The following KCNS2 variants were observed in gnomAD, a reference collection of about 807,000 sequenced individuals.
KCNS2 encodes the protein potassium voltage-gated channel modifier subfamily S member 2, also known as delayed-rectifier potassium channel regulatory subunit KCNS2.
KCNS2 carries 15 observed loss-of-function variants against 28.3 expected under a neutral mutation model. That is an observed-to-expected ratio of 0.53 (90% CI 0.35 to 0.82). KCNS2 has a LOEUF of 0.82. Among genes scored for constraint, KCNS2 ranks in the 40% least tolerant of loss-of-function variants. The pLI, the probability that KCNS2 is intolerant of heterozygous loss-of-function variation, is 0.01. For synonymous variants in KCNS2, 254 were observed against 256.7 expected, an observed-to-expected ratio of 0.99 and a Z score of 0.10; for missense variants, 501 against 617.1, an observed-to-expected ratio of 0.81 and a Z score of 1.99.
At position 98,429,765 on chromosome 8, in the gene KCNS2, G is replaced by A. The variant is rs1174254936; in HGVS notation, c.*352G>A. ...GGCCCAGTACTGTCTATGAGTTGTCGTGCTCCTGTTTCTGAGGTTGTCGTG... is the reference window on the plus strand; with the variant it reads ...GGCCCAGTACTGTCTATGAGTTGTCATGCTCCTGTTTCTGAGGTTGTCGTG... On this transcript the variant is annotated 3_prime_UTR_variant, in exon 2 of 2. Coordinates refer to ENST00000287042, the MANE Select transcript of KCNS2 (RefSeq NM_020697.4). 9.1e-5 allele frequency: 19 copies of A among 209,850 alleles called. No individual in the cohort carries two copies. Among genetic ancestry groups the A allele is most frequent in the Admixed American group, 6.5e-4 (12 of 18,336 alleles). The allele number at this position is 209,850 out of a possible 1,614,324, so 13.0% of individuals were successfully genotyped here.
Position 98,428,044 on chromosome 8 carries a change from A to T in KCNS2, c.65A>T (p.Asn22Ile). 1 of 1,611,362 alleles carries T rather than the reference A, an allele frequency of 6.2e-7. No homozygotes were observed. Among genetic ancestry groups the T allele is most frequent in the Non-Finnish European group, 8.5e-7 (1 of 1,178,614 alleles). The change falls in exon 2 of 2, where the codon AAT becomes ATT. Residue 22 changes from asparagine to isoleucine, a missense_variant. Coordinates refer to ENST00000287042, the MANE Select transcript of KCNS2 (RefSeq NM_020697.4). The surrounding 1 kb of genome is among the most constrained non-coding windows in gnomAD (Gnocchi z 6.7). ...ANVEDGEIRINVGGFKRRLRS... is the reference protein window; with the variant it reads ...ANVEDGEIRIIVGGFKRRLRS... ...GTCGAGGACGGGGAGATCCGCATCA[A>T]TGTGGGCGGCTTCAAGAGGAGGCTG...
rs1818298011 is a variant in KCNS2 at position 98,429,496 on chromosome 8, G to A, written c.*83G>A. On this transcript the variant is annotated 3_prime_UTR_variant, in exon 2 of 2. Coordinates refer to ENST00000287042, the MANE Select transcript of KCNS2 (RefSeq NM_020697.4). The stretch of plus-strand genomic sequence containing the variant: ...CACAGCCCAGGCACCTTATGGTTAT[G>A]GTGTAAGGAGTATGCCCAGCCCCTG... 3.1e-6 allele frequency: 3 copies of A among 979,844 alleles called. No individual in the cohort carries two copies. The highest frequency in any genetic ancestry group is 3.1e-6 in the Non-Finnish European group (2 of 644,384). 60.7% of individuals were successfully genotyped at this position (979,844 alleles called of 1,614,324 possible). A position where few individuals can be genotyped will look rare whatever the true frequency, so the allele number is the denominator to read the frequency against.
In KCNS2 at chr8:98,431,349, C is replaced by G. The variant is rs865897357; in HGVS notation, c.*1936C>G. The G allele has an allele frequency of 6.0e-6, 1 of 167,082 alleles. No homozygotes were observed. Among genetic ancestry groups the G allele is most frequent in the Non-Finnish European group, 1.5e-5 (1 of 68,130 alleles). The allele number at this position is 167,082 out of a possible 1,614,324, so 10.3% of individuals were successfully genotyped here. A position where few individuals can be genotyped will look rare whatever the true frequency, so the allele number is the denominator to read the frequency against. ...GTGGCTGTCTCCTAGTGTCTACATC[C>G]GTGTCTCTGAAGCATCAGGAAAAGT... On this transcript the variant is annotated 3_prime_UTR_variant, in exon 2 of 2. Transcript: ENST00000287042.
In KCNS2 at chr8:98,426,998, A is replaced by T. The variant is rs1025931111; in HGVS notation, c.-374A>T. The T allele has an allele frequency of 6.7e-6, 1 of 148,580 alleles. No homozygotes were observed. 9.2% of individuals were successfully genotyped at this position (148,580 alleles called of 1,614,324 possible). A position where few individuals can be genotyped will look rare whatever the true frequency, so the allele number is the denominator to read the frequency against. ...CCGCGCAGGGCGGGCGCCCCGTCAC[A>T]CCCGCTCTGCTCCCGCCCCGGCTCA... On this transcript the variant is annotated 5_prime_UTR_variant, in exon 1 of 2. Transcript: ENST00000287042.
Position 98,429,405 on chromosome 8 carries a change from C to T in KCNS2, c.1426C>T (p.Leu476=), listed in dbSNP as rs763823471. ...AAGTGAACTCAGTTTAAATGATTCC[C>T]TACGTTAGCCGGGAGGACTTGTCAC... is the stretch of plus-strand genomic sequence containing the variant. ...SPSELSLNDS[L]R The change falls in exon 2 of 2, where the codon CTA becomes TTA. Residue 476 remains leucine (L), a synonymous_variant. Transcript: ENST00000287042. The T allele has an allele frequency of 6.8e-6, 11 of 1,606,368 alleles. No individual in the cohort carries two copies. The highest frequency in any genetic ancestry group is 5.4e-5 in the African/African-American group (4 of 74,748).
chr8:98,427,185 G>A lies in KCNS2; in HGVS notation c.-187G>A, dbSNP rs1818248304. The A allele has an allele frequency of 6.7e-6, 1 of 149,308 alleles. No homozygotes were observed. The highest frequency in any genetic ancestry group is 2.1e-4 in the South Asian group (1 of 4,816). 9.2% of individuals were successfully genotyped at this position (149,308 alleles called of 1,614,324 possible). ...CGGCCCGAGACGGGAGGAGACGCTC[G>A]GCGGCCCCCGCCCGCCGGCCCGCCG... On this transcript the variant is annotated 5_prime_UTR_variant, in exon 1 of 2. Transcript: ENST00000287042.
chr8:98,429,180 G>C lies in KCNS2; in HGVS notation c.1201G>C (p.Val401Leu). Residue 401 changes from valine to leucine, a missense_variant, in exon 2 of 2, where the codon GTG becomes CTG. Coordinates refer to ENST00000287042, the MANE Select transcript of KCNS2 (RefSeq NM_020697.4). The part of the protein sequence containing the change: ...ASACILAGIL[V>L]VVLPITLIFN... Reference sequence around the variant, plus strand: ...TGCCTGCATCTTGGCAGGCATCCTCGTGGTGGTCCTGCCCATCACCTTGAT... The same window carrying C: ...TGCCTGCATCTTGGCAGGCATCCTCCTGGTGGTCCTGCCCATCACCTTGAT... The C allele has an allele frequency of 6.2e-7, 1 of 1,613,816 alleles. No individual in the cohort carries two copies. Among genetic ancestry groups the C allele is most frequent in the East Asian group, 2.2e-5 (1 of 44,876 alleles).
Position 98,428,119 on chromosome 8 carries a change from T to C in KCNS2, c.140T>C (p.Leu47Pro). ...CCCGAGACGCGCCTGGGCCGCTTGC[T>C]GCTCTGCCACTCGCGCGAGGCCATT... is the stretch of plus-strand genomic sequence containing the variant. ...RFPETRLGRL[L>P]LCHSREAILE... is the part of the protein sequence containing the mutation. The change falls in exon 2 of 2, where the codon CTG becomes CCG. Residue 47 changes from leucine to proline, a missense_variant. Transcript: ENST00000287042. The surrounding 1 kb of genome is among the most constrained non-coding windows in gnomAD (Gnocchi z 6.7). 6.2e-7 allele frequency: 1 copy of C among 1,613,934 alleles called. No homozygotes were observed. The highest frequency in any genetic ancestry group is 8.5e-7 in the Non-Finnish European group (1 of 1,180,008).
rs779150579 is a variant in KCNS2 at position 98,428,380 on chromosome 8, A to G, written c.401A>G (p.Lys134Arg). 1.2e-6 allele frequency: 2 copies of G among 1,614,178 alleles called. No homozygotes were observed. The highest frequency in any genetic ancestry group is 2.2e-5 in the South Asian group (2 of 91,080). ...HGRKVEPEQE[K>R]WDEQSDQEST... ...CGCAAAGTAGAGCCCGAGCAGGAGAAGTGGGACGAGCAGAGTGACCAGGAG... is the reference window on the plus strand; with the variant it reads ...CGCAAAGTAGAGCCCGAGCAGGAGAGGTGGGACGAGCAGAGTGACCAGGAG... Residue 134 changes from lysine (K) to arginine (R), a missense_variant, in exon 2 of 2, where the codon AAG (lysine) becomes AGG (arginine). Transcript: ENST00000287042. This position sits in a 1 kb window ranked among gnomAD's most constrained non-coding sequence, Gnocchi z 6.7.
At position 98,429,200 on chromosome 8, in the gene KCNS2, C is replaced by T. The variant is rs372842180; in HGVS notation, c.1221C>T (p.Thr407=). 14 of 1,613,910 alleles carry T rather than the reference C, an allele frequency of 8.7e-6. No individual in the cohort carries two copies. The African/African-American group carries it at 1.7e-4, about 20-fold the overall frequency. The change falls in exon 2 of 2, where the codon ACC becomes ACT. Residue 407 remains threonine (T), a synonymous_variant. Transcript: ENST00000287042. ...TCCTCGTGGTGGTCCTGCCCATCAC[C>T]TTGATCTTCAATAAGTTCTCCCACT... ...AGILVVVLPI[T]LIFNKFSHFY... is the part of the protein sequence containing the mutation.
chr8:98,428,707 T>C lies in KCNS2; in HGVS notation c.728T>C (p.Val243Ala). The change falls in exon 2 of 2, where the codon GTG (valine) becomes GCG (alanine). Residue 243 changes from valine to alanine, a missense_variant. Transcript: ENST00000287042. This position sits in a 1 kb window ranked among gnomAD's most constrained non-coding sequence, Gnocchi z 6.7. ...FGIAWFTFEL[V>A]ARFAVAPDFL... ...ATTGCCTGGTTCACATTTGAGCTGG[T>C]GGCCAGGTTTGCTGTGGCCCCTGAC... The C allele has an allele frequency of 6.2e-7, 1 of 1,614,246 alleles. No homozygotes were observed. The highest frequency in any genetic ancestry group is 8.5e-7 in the Non-Finnish European group (1 of 1,180,042).
At position 98,428,383 on chromosome 8, in the gene KCNS2, G is replaced by A. The variant is rs1470074390; in HGVS notation, c.404G>A (p.Trp135Ter). Residue 135 changes from tryptophan (W) to a stop codon, truncating the protein, a stop_gained, in exon 2 of 2, where the codon TGG (tryptophan) becomes TAG (stop). Transcript: ENST00000287042. LOFTEE classifies it high-confidence loss of function. This position sits in a 1 kb window ranked among gnomAD's most constrained non-coding sequence, Gnocchi z 6.7. ...GRKVEPEQEK[W>*]DEQSDQESTT... ...AAAGTAGAGCCCGAGCAGGAGAAGT[G>A]GGACGAGCAGAGTGACCAGGAGAGC... The A allele has an allele frequency of 6.2e-7, 1 of 1,614,166 alleles. No individual in the cohort carries two copies. Among genetic ancestry groups the A allele is most frequent in the South Asian group, 1.1e-5 (1 of 91,084 alleles).
rs763172699 is a variant in KCNS2, at chr8:98,427,985, C to G, written c.6C>G (p.Thr2=). Residue 2 remains threonine, a synonymous_variant, in exon 2 of 2, where the codon ACC becomes ACG. Transcript: ENST00000287042. Reference sequence around the variant, plus strand: ...GGGCGGCCGGCGCCTCCAGCATGACCGGCCAGAGCCTGTGGGACGTGTCGG... The same window carrying G: ...GGGCGGCCGGCGCCTCCAGCATGACGGGCCAGAGCCTGTGGGACGTGTCGG... M[T]GQSLWDVSEA... is the part of the protein sequence containing the mutation. 3.9e-6 allele frequency: 6 copies of G among 1,535,638 alleles called. No homozygotes were observed. Among genetic ancestry groups the G allele is most frequent in the Non-Finnish European group, 4.4e-6 (5 of 1,136,626 alleles).
rs759068889 is a variant in KCNS2, at chr8:98,428,463, G to A, written c.484G>A (p.Asp162Asn). ...LAFYNDASKF[D>N]GQPLGNFRRQ... is the part of the protein sequence containing the mutation. ...CTTCTACAACGACGCCTCCAAGTTCGATGGGCAGCCCCTCGGCAACTTCCG... is the reference window on the plus strand; with the variant it reads ...CTTCTACAACGACGCCTCCAAGTTCAATGGGCAGCCCCTCGGCAACTTCCG... Residue 162 changes from aspartate (D) to asparagine (N), a missense_variant, in exon 2 of 2, where the codon GAT (aspartate) becomes AAT (asparagine). By Grantham distance (23) the Asp-to-Asn change is conservative (BLOSUM62 1). Transcript: ENST00000287042. This position sits in a 1 kb window ranked among gnomAD's most constrained non-coding sequence, Gnocchi z 6.7. 7.4e-6 allele frequency: 12 copies of A among 1,614,108 alleles called. No homozygotes were observed. Among genetic ancestry groups the A allele is most frequent in the Middle Eastern group, 1.6e-4 (1 of 6,062 alleles).
At chr8:98,427,708 G>A (rs1031828767) in intron 1 of KCNS2, 13 of 281,538 alleles carry the variant, frequency 4.6e-5, no homozygotes, top group Non-Finnish European at 6.3e-5. Flanking sequence ...ACGCGACCCC[G>A]CACGCGCAAA....
chr8:98,429,418 G>C lies in KCNS2; in HGVS notation c.*5G>C, dbSNP rs768186161. 1 of 1,595,022 alleles carries C rather than the reference G, an allele frequency of 6.3e-7. No individual in the cohort carries two copies. Among genetic ancestry groups the C allele is most frequent in the African/African-American group, 1.3e-5 (1 of 74,574 alleles). ...TTAAATGATTCCCTACGTTAGCCGG[G>C]AGGACTTGTCACCCTCCACCCCACA... On this transcript the variant is annotated 3_prime_UTR_variant, in exon 2 of 2. Coordinates refer to ENST00000287042, the MANE Select transcript of KCNS2 (RefSeq NM_020697.4).
intron 1 of KCNS2, 165 bp downstream of exon 1, chr8:98,427,494 C>G (rs1168328463): frequency 6.6e-6 from 1 of 152,074 alleles, no homozygotes; most frequent in African/African-American, 2.4e-5. Context: ...GGCCGCCCCC[C>G]TCATTCCCGC....
In KCNS2 at chr8:98,430,285, A is replaced by G. The variant is rs1388151424; in HGVS notation, c.*872A>G. 1.2e-5 allele frequency: 2 copies of G among 167,088 alleles called. No individual in the cohort carries two copies. The highest frequency in any genetic ancestry group is 2.4e-5 in the African/African-American group (1 of 41,440). The allele number at this position is 167,088 out of a possible 1,614,324, so 10.4% of individuals were successfully genotyped here. On this transcript the variant is annotated 3_prime_UTR_variant, in exon 2 of 2. Coordinates refer to ENST00000287042, the MANE Select transcript of KCNS2 (RefSeq NM_020697.4). ...CTGTAGAGAAATGTATTTCCGGATG[A>G]GGTTTCTGATCTAGGCCATTTGACC... is the stretch of plus-strand genomic sequence containing the variant.
chr8:98,429,029 T>G lies in KCNS2; in HGVS notation c.1050T>G (p.Ile350Met), dbSNP rs746391617. The part of the protein sequence containing the change: ...ISIFSVVAYT[I>M]EKEENEGLAT... ...TCTTCTCCGTGGTGGCCTACACCAT[T>G]GAAAAGGAGGAGAACGAGGGCCTGG... The change falls in exon 2 of 2, where the codon ATT becomes ATG. Residue 350 changes from isoleucine (I) to methionine (M), a missense_variant. Coordinates refer to ENST00000287042, the MANE Select transcript of KCNS2 (RefSeq NM_020697.4). 17 of 1,613,670 alleles carry G rather than the reference T, an allele frequency of 1.1e-5. 1 individual carries two copies. The South Asian group carries it at 1.8e-4, about 17-fold the overall frequency.
Sources: gnomAD v4.1 joint callset for allele counts on GRCh38, gnomAD v4.1.1 for gene constraint, Gnocchi (gnomAD v3.1) non-coding constraint, MANE v1.5 for transcripts, NCBI Gene and HGNC (gene_info 2026-07-23, HGNC 2026-07-21) for gene names.